PFKP: variants seen among roughly 807,000 people sequenced by gnomAD.
The protein encoded by PFKP is phosphofructokinase, platelet, also known as ATP-dependent 6-phosphofructokinase, platelet type.
Under a neutral mutation model 94.3 loss-of-function variants are expected in PFKP, and 101 were observed. The observed-to-expected ratio is 1.07, with a 90% CI of 0.91 to 1.26. The LOEUF is 1.26. PFKP is among the 50% of genes most tolerant of loss of function. The pLI, the probability that PFKP is intolerant of heterozygous loss-of-function variation, is 0.00. For synonymous variants in PFKP, 573 were observed against 432.6 expected (o/e 1.32, Z -4.03); for missense variants, 1,145 against 1,103.3 (o/e 1.04, Z -0.53).
chr10:3,074,786 G>T (rs1291743910), intron 1 of PFKP, among the ~76,000 whole-genome samples: 1 of 152,208 alleles, frequency 6.6e-6, no homozygotes, highest in African/African-American at 2.4e-5. Flanking sequence ...ATCAATAGGA[G>T]ATTAATTAAT....
At chr10:3,075,566 A>G (rs1832513779) in intron 1 of PFKP, among the ~76,000 whole-genome samples, 2 of 144,072 alleles carry the variant, frequency 1.4e-5, no homozygotes, top group African/African-American at 2.6e-5. Flanking sequence ...GCAATTTTAA[A>G]TGATCTAGTT....
At chr10:3,096,358 C>G (rs1488657432) in intron 2 of PFKP, among the ~76,000 whole-genome samples, 2 of 152,184 alleles carry the variant, frequency 1.3e-5, no homozygotes, top group Non-Finnish European at 2.9e-5. Context: ...GAACTGGCAC[C>G]TTCCCCCCGG....
intron 4 of PFKP, among the ~76,000 whole-genome samples, chr10:3,102,541 G>A (rs1183322497): frequency 6.6e-6 from 1 of 151,948 alleles, no homozygotes; most frequent in Non-Finnish European, 1.5e-5. Context: ...AGCCTCCCAA[G>A]CAGCTGGGAT....
At chr10:3,106,237 C>T (rs564699821) in intron 7 of PFKP, among the ~76,000 whole-genome samples, 3 of 147,434 alleles carry the variant, frequency 2.0e-5, no homozygotes, top group African/African-American at 7.6e-5. Flanking sequence ...GCCTGTGGGG[C>T]GTCCACCTGT....
At chr10:3,105,066 TTC>T (rs1167015099) in intron 5 of PFKP, 47 bp from the exon 6 acceptor site, 1 of 1,583,476 alleles carries the variant, frequency 6.3e-7, no homozygotes, top group African/African-American at 1.3e-5. Flanking sequence ...CTCCCTCTGT[TTC>T]TCTGCTTTCT....
intron 16 of PFKP, among the ~76,000 whole-genome samples, chr10:3,127,272 G>A (rs7100185): frequency 0.14 from 21,108 of 152,274 alleles, 1,493 homozygotes; most frequent in African/African-American, 0.16. Flanking sequence ...AGTCGGGGGC[G>A]TGGCTCAGGT....
intron 2 of PFKP, among the ~76,000 whole-genome samples, chr10:3,089,449 C>T (rs1373624889): frequency 1.3e-5 from 2 of 151,946 alleles, no homozygotes; most frequent in African/African-American, 2.4e-5. Flanking sequence ...TTCCCTTTCT[C>T]GGGGTATATG....
chr10:3,132,281 C>G (rs1838681635), intron 17 of PFKP, 99 bp from the exon 18 acceptor site: 2 of 835,118 alleles, frequency 2.4e-6, no homozygotes, highest in Non-Finnish European at 4.1e-6. Context: ...GCCACGCTCA[C>G]TGCCACACTT....
At chr10:3,071,611 G>T (rs1832204107) in intron 1 of PFKP, among the ~76,000 whole-genome samples, 2 of 152,078 alleles carry the variant, frequency 1.3e-5, no homozygotes, top group Admixed American at 1.3e-4. Flanking sequence ...CACACACCAA[G>T]AGTGACTCAT....
In PFKP at chr10:3,068,763, C is replaced by G. The variant is rs924938686; in HGVS notation, c.112+1056C>G. ...GGCGGGTAGATCGGCGCTTCCCAGG[C>G]GAACGCAACCTGGGAGCCTTAGCGA... is the stretch of plus-strand genomic sequence containing the variant. On this transcript the variant is annotated intron_variant, in intron 1 of 21. Transcript: ENST00000381125. 3 of 883,376 alleles carry G rather than the reference C, an allele frequency of 3.4e-6. No homozygotes were observed. In the African/African-American group the frequency reaches 5.4e-5, roughly 16 times the overall value. 54.7% of individuals were successfully genotyped at this position (883,376 alleles called of 1,614,324 possible). A position where few individuals can be genotyped will look rare whatever the true frequency, so the allele number is the denominator to read the frequency against.
At chr10:3,102,070 T>C (rs927797218) in intron 4 of PFKP, among the ~76,000 whole-genome samples, 25 of 150,076 alleles carry the variant, frequency 1.7e-4, no homozygotes, top group African/African-American at 5.6e-4. Flanking sequence ...GCTAAAACGG[T>C]GAAACCCCGT....
intron 13 of PFKP, 22 bp from the exon 14 acceptor site, chr10:3,116,754 T>C (rs890161958): frequency 1.9e-6 from 3 of 1,599,702 alleles, no homozygotes; most frequent in Non-Finnish European, 2.6e-6. Flanking sequence ...TTTAGCTGTT[T>C]CGTTCTGTGT....
chr10:3,120,071 G>C, intron 16 of PFKP, 27 bp downstream of exon 16: 1 of 1,611,842 alleles, frequency 6.2e-7, no homozygotes, highest in South Asian at 1.1e-5. Flanking sequence ...CCTGCCAGGC[G>C]GGCGCCGGCT....
At chr10:3,105,281 C>G in intron 6 of PFKP, 112 bp from the exon 7 acceptor site, 1 of 1,292,846 alleles carries the variant, frequency 7.7e-7, no homozygotes, top group Non-Finnish European at 1.1e-6. Flanking sequence ...GGCCGGCATC[C>G]CGCTTCATAC....
chr10:3,109,210 T>TC lies in PFKP; in HGVS notation c.964-144dup. On this transcript the variant is annotated intron_variant, in intron 9 of 21. Coordinates refer to ENST00000381125, the MANE Select transcript of PFKP (RefSeq NM_002627.5). ...CTTGCCAGTTCTAAAGGAGTGGAAA[T>TC]CGCTTTGCTCTAAAGAGTTGGGCTG... is the stretch of plus-strand genomic sequence containing the variant. The TC allele has an allele frequency of 2.9e-6, 3 of 1,039,686 alleles. No homozygotes were observed. The South Asian group carries it at 4.2e-5, about 15-fold the overall frequency. The allele number at this position is 1,039,686 out of a possible 1,614,324, so 64.4% of individuals were successfully genotyped here.
intron 16 of PFKP, among the ~76,000 whole-genome samples, chr10:3,123,234 G>A (rs1382565500): frequency 6.6e-6 from 1 of 152,196 alleles, no homozygotes; most frequent in Non-Finnish European, 1.5e-5. Flanking sequence ...ACTCCGTCCT[G>A]TAAGCTCGAT....
intron 4 of PFKP, among the ~76,000 whole-genome samples, chr10:3,103,507 T>C (rs1835221369): frequency 6.6e-6 from 1 of 152,146 alleles, no homozygotes; most frequent in Non-Finnish European, 1.5e-5. Flanking sequence ...CAGCCAGGCA[T>C]AGTTCTAGCT....
chr10:3,073,687 T>G (rs1832363503), intron 1 of PFKP, among the ~76,000 whole-genome samples: 2 of 149,514 alleles, frequency 1.3e-5, no homozygotes, highest in Non-Finnish European at 3.0e-5. Flanking sequence ...AACGTACATA[T>G]GTAAATGATC....
chr10:3,078,055 A>G (rs1391098615), intron 1 of PFKP, among the ~76,000 whole-genome samples: 12 of 152,240 alleles, frequency 7.9e-5, no homozygotes, highest in South Asian at 2.1e-4. Flanking sequence ...AACCAGATGG[A>G]TTAGCCCCAG....
Sources: gnomAD v4.1 joint callset for allele counts (sites outside exome capture counted in the v4.1 genomes callset) on GRCh38, gnomAD v4.1.1 for gene constraint, MANE v1.5 for transcripts, NCBI Gene and HGNC (gene_info 2026-07-23, HGNC 2026-07-21) for gene names.